Variants in PCDHA6 observed in about 807,000 individuals in gnomAD.
PCDHA6 encodes protocadherin alpha 6, also known as protocadherin alpha-6.
A neutral mutation model predicts 60.3 loss-of-function variants in PCDHA6; 55 were observed. The ratio of observed to expected loss-of-function variants is 0.91; its 90% CI spans 0.73 to 1.14. PCDHA6 has a LOEUF of 1.14. Among genes scored for constraint, PCDHA6 ranks in the 50% most tolerant of loss-of-function variants. PCDHA6 has a pLI of 0.00. For missense variants in PCDHA6, 1,327 were observed against 1,256.5 expected (o/e 1.06, Z -0.85); for synonymous variants, 652 against 557.9 (o/e 1.17, Z -2.38).
At chr5:140,923,659 G>A in intron 1 of PCDHA6, among the ~76,000 whole-genome samples, 1 of 152,224 alleles carries the variant, frequency 6.6e-6, no homozygotes, top group East Asian at 1.9e-4. Context: ...CTTATCTTTG[G>A]GATATCGTTC....
At chr5:140,870,401 C>A in intron 1 of PCDHA6, 1 of 1,614,252 alleles carries the variant, frequency 6.2e-7, no homozygotes, top group Non-Finnish European at 8.5e-7. Context: ...GGTTCGCCTT[C>A]TCTGTGGGCC....
chr5:140,926,548 A>C, intron 1 of PCDHA6: 1 of 226,392 alleles, frequency 4.4e-6, no homozygotes, highest in Non-Finnish European at 8.5e-6. Flanking sequence ...GGTGGTCGAG[A>C]CCCCAGCCCG....
At position 140,842,609 on chromosome 5, in the gene PCDHA6, G is replaced by C. The variant is rs534936483; in HGVS notation, c.2394+12124G>C. The stretch of plus-strand genomic sequence containing the variant: ...TGAGTTGGTGGTAACCGCGCGGGAC[G>C]GGGGCTCGCCTTCGCTGTGGGCCAC... On this transcript the variant is annotated intron_variant, in intron 1 of 3. Coordinates refer to ENST00000529310, the MANE Select transcript of PCDHA6 (RefSeq NM_018909.4). 11 of 1,595,750 alleles carry C rather than the reference G, an allele frequency of 6.9e-6. 2 individuals are homozygous for C. Among genetic ancestry groups the C allele is most frequent in the Non-Finnish European group, 7.7e-6 (9 of 1,165,644 alleles).
intron 3 of PCDHA6, chr5:140,988,966 GGA>G (rs1339632887): frequency 2.0e-5 from 3 of 152,162 alleles, no homozygotes; most frequent in African/African-American, 7.2e-5. Flanking sequence ...GCCCCACGAT[GGA>G]GAGAAGCAGG....
chr5:140,874,211 A>G (rs1257270226), intron 1 of PCDHA6, among the ~76,000 whole-genome samples: 1 of 152,220 alleles, frequency 6.6e-6, no homozygotes, highest in African/African-American at 2.4e-5. Context: ...CTTTATTATT[A>G]TATGCAGTAG....
intron 1 of PCDHA6, among the ~76,000 whole-genome samples, chr5:140,940,236 A>G (rs1487572447): frequency 1.3e-5 from 2 of 152,200 alleles, no homozygotes; most frequent in East Asian, 3.8e-4. Flanking sequence ...TTGGTACATT[A>G]AAGTTACCTC....
intron 1 of PCDHA6, chr5:140,841,218 C>G (rs2150312000): frequency 3.5e-6 from 5 of 1,431,458 alleles, no homozygotes; most frequent in Non-Finnish European, 4.7e-6. Context: ...CTCTAAAGGC[C>G]GAACAACGGG....
Position 140,828,757 on chromosome 5 carries a change from C to A in PCDHA6, c.666C>A (p.Leu222=). Residue 222 remains leucine (L), a synonymous_variant, in exon 1 of 4, where the codon CTC becomes CTA. Transcript: ENST00000529310. ...CCACAGATGGGGGCAAACCTGAGCT[C>A]ACAGGCACTGTTCAGCTGCTGGTCA... ...LTATDGGKPE[L]TGTVQLLVTV... is the part of the protein sequence containing the mutation. 1 of 1,614,234 alleles carries A rather than the reference C, an allele frequency of 6.2e-7. No homozygotes were observed. The highest frequency in any genetic ancestry group is 8.5e-7 in the Non-Finnish European group (1 of 1,180,038).
At chr5:140,868,592 C>T (rs1294333400) in intron 1 of PCDHA6, 1 of 152,974 alleles carries the variant, frequency 6.5e-6, no homozygotes, top group Non-Finnish European at 1.5e-5. Context: ...ATGTTTAACC[C>T]TAGTTTTTCA....
At chr5:140,835,706 G>A in intron 1 of PCDHA6, 1 of 1,613,896 alleles carries the variant, frequency 6.2e-7, no homozygotes, top group Non-Finnish European at 8.5e-7. Context: ...CTGCTAGCGT[G>A]TCCGTGGAGG....
chr5:140,914,377 G>C (rs2076685968), intron 1 of PCDHA6, among the ~76,000 whole-genome samples: 1 of 152,090 alleles, frequency 6.6e-6, no homozygotes, highest in Non-Finnish European at 1.5e-5. Flanking sequence ...TATTTTATCT[G>C]TTATAAGTGT....
intron 1 of PCDHA6, among the ~76,000 whole-genome samples, chr5:140,955,497 A>T (rs879951352): frequency 2.0e-5 from 3 of 152,100 alleles, no homozygotes; most frequent in Non-Finnish European, 4.4e-5. Flanking sequence ...CCACCATGTG[A>T]AGAAAGACGT....
At chr5:140,967,390 G>C (rs2096135950) in intron 1 of PCDHA6, 1 of 1,609,870 alleles carries the variant, frequency 6.2e-7, no homozygotes, top group African/African-American at 1.3e-5. Context: ...AAGTGCTTGA[G>C]CTGGTGCTGC....
chr5:140,870,892 G>T, intron 1 of PCDHA6: 4 of 1,613,960 alleles, frequency 2.5e-6, no homozygotes, highest in Non-Finnish European at 3.4e-6. Flanking sequence ...GCGCGCAGTG[G>T]ATGCGGACTC....
chr5:140,969,051 A>T (rs908108421), intron 1 of PCDHA6: 3 of 1,614,062 alleles, frequency 1.9e-6, no homozygotes, highest in Non-Finnish European at 1.7e-6. Context: ...CAAGCCAACA[A>T]CAATATTGAT....
rs2150395747 is a variant in PCDHA6, at chr5:140,846,917, A to G, written c.2394+16432A>G. 4.9e-4 allele frequency among the ~76,000 whole-genome samples: 73 copies of G among 149,736 alleles called. 3 individuals are homozygous for G. The highest frequency in any genetic ancestry group is 1.6e-3 in the African/African-American group (65 of 40,960). ...TGAAGTTGAAAGACAATCATTTCCT[A>G]TTTGAATTTTTGAAGAAATACTTGA... On this transcript the variant is annotated intron_variant, in intron 1 of 3. Coordinates refer to ENST00000529310, the MANE Select transcript of PCDHA6 (RefSeq NM_018909.4).
chr5:140,882,816 A>C, intron 1 of PCDHA6: 3 of 1,614,266 alleles, frequency 1.9e-6, no homozygotes, highest in Non-Finnish European at 2.5e-6. Flanking sequence ...TTGGACGCAC[A>C]AAACAGTCTT....
At chr5:140,877,810 C>A (rs782370638) in intron 1 of PCDHA6, 9 of 1,610,248 alleles carry the variant, frequency 5.6e-6, no homozygotes, top group Non-Finnish European at 6.8e-6. Flanking sequence ...TCAGCTGTCT[C>A]GAGAAGATTG....
chr5:140,841,687 G>A (rs2150320921), intron 1 of PCDHA6: 1 of 1,613,966 alleles, frequency 6.2e-7, no homozygotes, highest in South Asian at 1.1e-5. Context: ...TGGACGTGGA[G>A]GTGAAGGATG....
Sources: gnomAD v4.1 joint callset for allele counts (sites outside exome capture counted in the v4.1 genomes callset) on GRCh38, gnomAD v4.1.1 for gene constraint, MANE v1.5 for transcripts, NCBI Gene and HGNC (gene_info 2026-07-23, HGNC 2026-07-21) for gene names.